Variants in GLRA1 observed in about 807,000 individuals in gnomAD.
GLRA1 encodes glycine receptor subunit alpha-1.
GLRA1 carries 37 observed loss-of-function variants against 48.3 expected under a neutral mutation model. That is an observed-to-expected ratio of 0.77 (90% CI 0.59 to 1.01). GLRA1 has a LOEUF of 1.01. GLRA1 is among the 50% of genes least tolerant of loss of function. The pLI is 0.00. For missense variants in GLRA1, 427 were observed against 571.0 expected (o/e 0.75, Z 2.57); for synonymous variants, 196 against 210.7 (o/e 0.93, Z 0.60).
In GLRA1 at chr5:151,836,654, A is replaced by G. The variant is rs148379904; in HGVS notation, c.913-7587T>C. Among the ~76,000 whole-genome samples, 1,336 of 152,304 alleles carry G rather than the reference A, an allele frequency of 8.8e-3. 4 individuals carry two copies. Among genetic ancestry groups the G allele is most frequent in the Non-Finnish European group, 0.014 (960 of 68,012 alleles). ...ACAGAGGCCTCAGAAATAACGCCAC[A>G]TAACTATAACCATCTGATCTTGACA... On this transcript the variant is annotated intron_variant, in intron 7 of 8. Transcript: ENST00000274576.
chr5:151,838,765 A>C (rs935367810), intron 7 of GLRA1, among the ~76,000 whole-genome samples: 2 of 152,242 alleles, frequency 1.3e-5, no homozygotes, highest in African/African-American at 4.8e-5. Flanking sequence ...AAAACTTATC[A>C]AATTTGATTA....
intron 3 of GLRA1, among the ~76,000 whole-genome samples, chr5:151,864,309 A>G (rs1233851785): frequency 2.6e-5 from 4 of 152,222 alleles, no homozygotes; most frequent in Non-Finnish European, 2.9e-5. Context: ...GGAAGAAAAG[A>G]AAGTGGCATT....
intron 3 of GLRA1, among the ~76,000 whole-genome samples, chr5:151,878,268 C>A (rs1753675783): frequency 6.6e-6 from 1 of 152,160 alleles, no homozygotes; most frequent in Non-Finnish European, 1.5e-5. Flanking sequence ...GAACTTTGAA[C>A]TGCAGAGAGA....
At position 151,856,471 on chromosome 5, in the gene GLRA1, G is replaced by A. The variant is rs545402357; in HGVS notation, c.477-88C>T. ...TCTAGTTATTGTTAGAAAATCAGTTGCCCAGGATAGGGAAAGAAGGTCAGG... is the reference window on the plus strand; with the variant it reads ...TCTAGTTATTGTTAGAAAATCAGTTACCCAGGATAGGGAAAGAAGGTCAGG... On this transcript the variant is annotated intron_variant, in intron 4 of 8. Coordinates refer to ENST00000274576, the MANE Select transcript of GLRA1 (RefSeq NM_000171.4). 2.5e-5 allele frequency: 22 copies of A among 864,482 alleles called. No individual in the cohort carries two copies. In the South Asian group the frequency reaches 2.7e-4, roughly 10 times the overall value. The allele number at this position is 864,482 out of a possible 1,614,324, so 53.6% of individuals were successfully genotyped here. A position where few individuals can be genotyped will look rare whatever the true frequency, so the allele number is the denominator to read the frequency against.
At chr5:151,859,725 G>T in intron 4 of GLRA1, 60 bp downstream of exon 4, 2 of 1,246,416 alleles carry the variant, frequency 1.6e-6, no homozygotes, top group Non-Finnish European at 2.4e-6. Flanking sequence ...TCTATGCCCA[G>T]AAGGTAGTGG....
chr5:151,880,793 A>G (rs953767673), intron 3 of GLRA1, among the ~76,000 whole-genome samples: 3 of 152,236 alleles, frequency 2.0e-5, no homozygotes, highest in East Asian at 3.8e-4. Flanking sequence ...GCATGTACAC[A>G]CATGTAAACA....
At chr5:151,879,732 T>C (rs946628862) in intron 3 of GLRA1, among the ~76,000 whole-genome samples, 1 of 152,096 alleles carries the variant, frequency 6.6e-6, no homozygotes, top group Non-Finnish European at 1.5e-5. Flanking sequence ...CTGTGGACTT[T>C]TGAATTAGTG....
chr5:151,859,720 G>T (rs938809250), intron 4 of GLRA1, 65 bp downstream of exon 4: 38 of 1,197,064 alleles, frequency 3.2e-5, no homozygotes, highest in Admixed American at 6.9e-5. Flanking sequence ...TAGAGTCTAT[G>T]CCCAGAAGGT....
chr5:151,923,269 GGT>G (rs775218394), intron 1 of GLRA1, among the ~76,000 whole-genome samples: 2 of 152,126 alleles, frequency 1.3e-5, no homozygotes, highest in Non-Finnish European at 2.9e-5. Context: ...TTTGAGGGGA[GGT>G]GTCATTTAAT....
chr5:151,892,475 G>C (rs768062210), intron 1 of GLRA1, 37 bp from the exon 2 acceptor site: 1 of 1,611,224 alleles, frequency 6.2e-7, no homozygotes. Flanking sequence ...GGTTAATGAT[G>C]GCTCTTTCTC....
At chr5:151,893,530 C>A (rs776466448) in intron 1 of GLRA1, among the ~76,000 whole-genome samples, 1 of 151,956 alleles carries the variant, frequency 6.6e-6, no homozygotes, top group Non-Finnish European at 1.5e-5. Flanking sequence ...ACCCGACAGG[C>A]CCTGTTGTGT....
At chr5:151,842,579 A>G (rs1248003885) in intron 7 of GLRA1, among the ~76,000 whole-genome samples, 2 of 152,222 alleles carry the variant, frequency 1.3e-5, no homozygotes. Flanking sequence ...TACTCCACAC[A>G]TTAAGAATAG....
intron 1 of GLRA1, among the ~76,000 whole-genome samples, chr5:151,898,639 G>A (rs923726020): frequency 6.6e-6 from 1 of 152,114 alleles, no homozygotes; most frequent in Non-Finnish European, 1.5e-5. Flanking sequence ...CAAGGAGGGG[G>A]CAGAAGAGGG....
chr5:151,855,201 GCAGTCACCACT>G (rs753211666), intron 5 of GLRA1, 24 bp from the exon 6 acceptor site: 1 of 1,612,752 alleles, frequency 6.2e-7, no homozygotes, highest in South Asian at 1.1e-5. Flanking sequence ...AGAAGAAGGA[GCAGTCACCACT>G]CAGAAGCACT....
chr5:151,835,239 C>T lies in GLRA1; in HGVS notation c.913-6172G>A, dbSNP rs569386136. Among the ~76,000 whole-genome samples, 59 of 151,996 alleles carry T rather than the reference C, an allele frequency of 3.9e-4. No individual in the cohort carries two copies. In the South Asian group the frequency reaches 4.6e-3, roughly 12 times the overall value. ...ACTAACCCAGGAAGAAGTTGAATCC[C>T]GGAAAAGGTCAATAACAAGTCTGAA... On this transcript the variant is annotated intron_variant, in intron 7 of 8. Transcript: ENST00000274576.
intron 1 of GLRA1, among the ~76,000 whole-genome samples, chr5:151,916,126 A>G (rs1754734191): frequency 6.6e-6 from 1 of 152,180 alleles, no homozygotes; most frequent in South Asian, 2.1e-4. Context: ...TCTGTATTTG[A>G]ATCCTGGTTT....
intron 7 of GLRA1, among the ~76,000 whole-genome samples, chr5:151,834,352 AAAC>A (rs1763511665): frequency 6.6e-6 from 1 of 152,162 alleles, no homozygotes. Flanking sequence ...CACGGAAACT[AAAC>A]AACCTGCTCC....
intron 2 of GLRA1, 54 bp from the exon 3 acceptor site, chr5:151,886,842 G>C (rs1212669526): frequency 7.8e-7 from 1 of 1,274,048 alleles, no homozygotes; most frequent in Non-Finnish European, 1.1e-6. Context: ...AGAACCCACA[G>C]GGTAGGACTC....
chr5:151,833,822 G>C (rs1763493335), intron 7 of GLRA1, among the ~76,000 whole-genome samples: 1 of 131,170 alleles, frequency 7.6e-6, no homozygotes, highest in South Asian at 2.4e-4. Context: ...AAAAGCAGGG[G>C]TTGCAATCCT....
Sources: gnomAD v4.1 joint callset for allele counts (sites outside exome capture counted in the v4.1 genomes callset) on GRCh38, gnomAD v4.1.1 for gene constraint, MANE v1.5 for transcripts, NCBI Gene and HGNC (gene_info 2026-07-23, HGNC 2026-07-21) for gene names.